CNIH4: variants seen among roughly 807,000 people sequenced by gnomAD.
The protein encoded by CNIH4 is protein cornichon homolog 4.
CNIH4 carries 9 observed loss-of-function variants against 21.5 expected under a neutral mutation model. The ratio of observed to expected loss-of-function variants is 0.42; its 90% CI spans 0.25 to 0.73. CNIH4 has a LOEUF of 0.73. CNIH4 is among the 30% of genes least tolerant of loss of function. The probability of loss-of-function intolerance (pLI) is 0.27; values close to 1 mark genes in which losing one functional copy is unlikely to be tolerated. For missense variants in CNIH4, 159 were observed against 170.0 expected, an observed-to-expected ratio of 0.94 and a Z score of 0.36; for synonymous variants, 67 against 59.1, an observed-to-expected ratio of 1.13 and a Z score of -0.61.
rs1672734510 is a variant in CNIH4 at position 224,374,767 on chromosome 1, C to T, written c.393-1028C>T. On this transcript the variant is annotated intron_variant, in intron 4 of 4. Coordinates refer to ENST00000465271, the MANE Select transcript of CNIH4 (RefSeq NM_014184.4). The stretch of plus-strand genomic sequence containing the variant: ...ATATTAATGATATTAATAGTACCTA[C>T]CTCATCACATTTTAATGTGGGCTGA... Among the ~76,000 whole-genome samples the T allele has an allele frequency of 4.6e-5, 7 of 152,138 alleles. No homozygotes were observed. In the South Asian group the frequency reaches 1.4e-3, roughly 31 times the overall value.
Position 224,371,286 on chromosome 1 carries a change from C to T in CNIH4, c.255C>T (p.Tyr85=). 1 of 1,612,588 alleles carries T rather than the reference C, an allele frequency of 6.2e-7. No homozygotes were observed. Among genetic ancestry groups the T allele is most frequent in the Non-Finnish European group, 8.5e-7 (1 of 1,179,446 alleles). Residue 85 remains tyrosine (Y), a synonymous_variant, in exon 4 of 5, where the codon TAC becomes TAT. Transcript: ENST00000465271. ...TGTGTATCCTTTAATTTATCAGATA[C>T]ATTATGGTGCCGAGTGGTAACATGG... ...LPVATWNIYR[Y]IMVPSGNMGV...
Position 224,371,383 on chromosome 1 carries a change from C to T in CNIH4, c.352C>T (p.Leu118Phe), listed in dbSNP as rs781323491. 4.3e-6 allele frequency: 7 copies of T among 1,614,058 alleles called. No individual in the cohort carries two copies. The South Asian group carries it at 7.7e-5, about 18-fold the overall frequency. Residue 118 changes from leucine (L) to phenylalanine (F), a missense_variant, in exon 4 of 5, where the codon CTT becomes TTT. Coordinates refer to ENST00000465271, the MANE Select transcript of CNIH4 (RefSeq NM_014184.4). ...KSHMKEAMIK[L>F]GFHLLCFFMY... is the part of the protein sequence containing the mutation. ...ACACATGAAAGAAGCCATGATCAAG[C>T]TTGGTTTCCACTTGCTCTGCTTCTT...
chr1:224,364,330 A>G (rs1409965693), intron 2 of CNIH4: 1 of 985,470 alleles, frequency 1.0e-6, no homozygotes, highest in Non-Finnish European at 1.2e-6. Flanking sequence ...ACTGAAGGCT[A>G]TAGCTTTAGG....
At position 224,376,098 on chromosome 1, in the gene CNIH4, C is replaced by A; in HGVS notation, c.*276C>A. Reference sequence around the variant, plus strand: ...GAAGGTGGTTATTTGTATGTAGGAACAGGACTGCCATCCCAGCTTTGCATG... The same window carrying A: ...GAAGGTGGTTATTTGTATGTAGGAAAAGGACTGCCATCCCAGCTTTGCATG... On this transcript the variant is annotated 3_prime_UTR_variant, in exon 5 of 5. Transcript: ENST00000465271. 8.7e-7 allele frequency: 1 copy of A among 1,152,692 alleles called. No individual in the cohort carries two copies. The highest frequency in any genetic ancestry group is 1.1e-6 in the Non-Finnish European group (1 of 936,256). The allele number at this position is 1,152,692 out of a possible 1,614,324, so 71.4% of individuals were successfully genotyped here.
chr1:224,367,251 A>G (rs534301829), intron 3 of CNIH4, among the ~76,000 whole-genome samples: 10 of 152,162 alleles, frequency 6.6e-5, no homozygotes, highest in Non-Finnish European at 1.5e-4. Context: ...TTTTTTAAGT[A>G]TGATGTTGTA....
intron 3 of CNIH4, among the ~76,000 whole-genome samples, chr1:224,369,507 AG>A (rs369941562): frequency 5.2e-4 from 79 of 152,122 alleles, no homozygotes; most frequent in African/African-American, 1.9e-3. Context: ...ATCCAGGAGG[AG>A]GAGGTTGCGC....
At position 224,373,753 on chromosome 1, in the gene CNIH4, G is replaced by C. The variant is rs533964877; in HGVS notation, c.393-2042G>C. On this transcript the variant is annotated intron_variant, in intron 4 of 4. Transcript: ENST00000465271. Reference sequence around the variant, plus strand: ...TGAGGCAGGAGAATCGCTTGAACCCGGGAGGTGGAGGTTGCGGTGAGCCGA... The same window carrying C: ...TGAGGCAGGAGAATCGCTTGAACCCCGGAGGTGGAGGTTGCGGTGAGCCGA... Among the ~76,000 whole-genome samples the C allele has an allele frequency of 9.9e-5, 15 of 152,108 alleles. No homozygotes were observed. In the East Asian group the frequency reaches 2.5e-3, roughly 25 times the overall value.
chr1:224,359,514 A>G (rs1211804883), intron 1 of CNIH4, among the ~76,000 whole-genome samples: 8 of 152,234 alleles, frequency 5.3e-5, no homozygotes, highest in African/African-American at 1.9e-4. Flanking sequence ...AGTAACAGAA[A>G]TAAAACAAAT....
chr1:224,356,969 G>T lies in CNIH4; in HGVS notation c.45G>T (p.Ala15=), dbSNP rs1432264233. The change falls in exon 1 of 5, where the codon GCG becomes GCT. Residue 15 remains alanine (A), a synonymous_variant. Transcript: ENST00000465271. ...TCTTCTCTCTCCTCGATTGTTGCGC[G>T]CTCATCTTCCTCTCGGTCTACTTCG... The part of the protein sequence containing the change: ...VFVFSLLDCC[A]LIFLSVYFII... 1.9e-6 allele frequency: 3 copies of T among 1,612,412 alleles called. No homozygotes were observed. The highest frequency in any genetic ancestry group is 2.5e-6 in the Non-Finnish European group (3 of 1,179,354).
At chr1:224,357,856 C>T (rs1243142196) in intron 1 of CNIH4, among the ~76,000 whole-genome samples, 7 of 152,172 alleles carry the variant, frequency 4.6e-5, no homozygotes, top group Admixed American at 4.6e-4. Context: ...ACAACTCTTC[C>T]CATCTCTTGA....
chr1:224,371,705 G>A (rs1672635499), intron 4 of CNIH4, among the ~76,000 whole-genome samples: 2 of 152,206 alleles, frequency 1.3e-5, no homozygotes, highest in South Asian at 4.1e-4. Flanking sequence ...CACTTTGGGA[G>A]GCCGAGGAGG....
intron 3 of CNIH4, among the ~76,000 whole-genome samples, chr1:224,370,067 T>TA (rs1409857503): frequency 1.3e-5 from 2 of 150,754 alleles, no homozygotes; most frequent in African/African-American, 4.9e-5. Context: ...CCACAAAAAT[T>TA]AAAAATAAAA....
At chr1:224,375,184 A>C (rs991334795) in intron 4 of CNIH4, among the ~76,000 whole-genome samples, 17 of 152,332 alleles carry the variant, frequency 1.1e-4, no homozygotes, top group African/African-American at 2.9e-4. Context: ...TTGCTAGTAG[A>C]ACATGAAAGT....
Position 224,376,044 on chromosome 1 carries a change from T to C in CNIH4, c.*222T>C. 2 of 1,246,412 alleles carry C rather than the reference T, an allele frequency of 1.6e-6. No homozygotes were observed. Among genetic ancestry groups the C allele is most frequent in the Non-Finnish European group, 2.0e-6 (2 of 992,658 alleles). The allele number at this position is 1,246,412 out of a possible 1,614,324, so 77.2% of individuals were successfully genotyped here. A position where few individuals can be genotyped will look rare whatever the true frequency, so the allele number is the denominator to read the frequency against. The stretch of plus-strand genomic sequence containing the variant: ...TCAACTTTAGCCTGAACGCCAACAC[T>C]TGAAGGTGTTTTTCATCCTCTGTAT... On this transcript the variant is annotated 3_prime_UTR_variant, in exon 5 of 5. Coordinates refer to ENST00000465271, the MANE Select transcript of CNIH4 (RefSeq NM_014184.4).
intron 4 of CNIH4, among the ~76,000 whole-genome samples, chr1:224,374,479 A>G (rs1458600864): frequency 6.8e-6 from 1 of 147,550 alleles, no homozygotes; most frequent in Non-Finnish European, 1.5e-5. Flanking sequence ...CAGTGGCATG[A>G]TCTCAGCTCA....
chr1:224,360,343 G>A, intron 1 of CNIH4, 152 bp from the exon 2 acceptor site: 1 of 430,704 alleles, frequency 2.3e-6, no homozygotes, highest in Non-Finnish European at 4.2e-6. Flanking sequence ...ACATGAATGG[G>A]AAAATTGAGT....
intron 1 of CNIH4, among the ~76,000 whole-genome samples, chr1:224,359,464 G>A (rs1338339452): frequency 3.3e-5 from 5 of 152,164 alleles, no homozygotes; most frequent in African/African-American, 9.7e-5. Context: ...GGCAGAGATA[G>A]CTTTCCATAT....
Position 224,377,389 on chromosome 1 carries a change from CTCT to C in CNIH4, c.*1570_*1572del, listed in dbSNP as rs1672809797. 1 of 152,168 alleles carries C rather than the reference CTCT, an allele frequency of 6.6e-6. No homozygotes were observed. The allele number at this position is 152,168 out of a possible 1,614,324, so 9.4% of individuals were successfully genotyped here. ...TGCCTTTCCTCCTAACTTCCTGTGC[CTCT>C]TCATGTTCTGCTCAAGCTTTTTAAA... is the stretch of plus-strand genomic sequence containing the variant. On this transcript the variant is annotated 3_prime_UTR_variant, in exon 5 of 5. Coordinates refer to ENST00000465271, the MANE Select transcript of CNIH4 (RefSeq NM_014184.4).
chr1:224,360,173 A>G (rs1284736454), intron 1 of CNIH4, among the ~76,000 whole-genome samples: 2 of 150,646 alleles, frequency 1.3e-5, no homozygotes, highest in African/African-American at 4.9e-5. Flanking sequence ...GCTTCAGGCG[A>G]TCCTCCTGCC....
Sources: allele counts gnomAD v4.1 joint callset (sites outside exome capture counted in the v4.1 genomes callset), GRCh38; gene constraint gnomAD v4.1.1; transcripts MANE v1.5; gene names NCBI Gene and HGNC (gene_info 2026-07-23, HGNC 2026-07-21).